The following SPG11 variants were observed in gnomAD, a reference collection of about 807,000 sequenced individuals.
SPG11 encodes the protein SPG11 vesicle trafficking associated, spatacsin, also known as spatacsin.
In SPG11, 222 loss-of-function variants were observed where a neutral mutation model predicts 274.0. That is an observed-to-expected ratio of 0.81 (90% CI 0.73 to 0.91). The LOEUF (loss-of-function observed/expected upper bound fraction) is 0.91. Among genes scored for constraint, SPG11 ranks in the 40% least tolerant of loss-of-function variants. SPG11 has a pLI of 0.00. For missense variants in SPG11, 3,114 were observed against 2,872.7 expected, an observed-to-expected ratio of 1.08 and a Z score of -1.92; for synonymous variants, 1,144 against 1,039.7, an observed-to-expected ratio of 1.10 and a Z score of -1.93.
intron 7 of SPG11, among the ~76,000 whole-genome samples, chr15:44,642,476 A>T (rs1329108828): frequency 2.0e-5 from 3 of 151,574 alleles, no homozygotes; most frequent in African/African-American, 7.2e-5. Context: ...GTTCCATTTT[A>T]TGCAAAATTC....
chr15:44,577,764 T>C (rs1206026165), intron 30 of SPG11, among the ~76,000 whole-genome samples: 2 of 152,106 alleles, frequency 1.3e-5, no homozygotes, highest in Non-Finnish European at 2.9e-5. Flanking sequence ...GAATTATCAT[T>C]ATCCCCCCTC....
In SPG11 at chr15:44,564,983, C is replaced by T. The variant is rs545720197; in HGVS notation, c.7000-285G>A. Among the ~76,000 whole-genome samples, 14 of 152,254 alleles carry T rather than the reference C, an allele frequency of 9.2e-5. No individual in the cohort carries two copies. In the East Asian group the frequency reaches 1.2e-3, roughly 13 times the overall value. ...GAAATTCCTGGGCTCAAGATCCTCCCGCCTCAGCCTCCTGCATATCTGGGA... is the reference window on the plus strand; with the variant it reads ...GAAATTCCTGGGCTCAAGATCCTCCTGCCTCAGCCTCCTGCATATCTGGGA... On this transcript the variant is annotated intron_variant, in intron 38 of 39. Coordinates refer to ENST00000261866, the MANE Select transcript of SPG11 (RefSeq NM_025137.4).
chr15:44,636,402 A>C (rs923818280), intron 7 of SPG11, among the ~76,000 whole-genome samples: 3 of 152,002 alleles, frequency 2.0e-5, no homozygotes, highest in African/African-American at 7.2e-5. Flanking sequence ...AGGATTATAA[A>C]GTTTGCAACT....
chr15:44,651,855 C>G lies in SPG11; in HGVS notation c.1092G>C (p.Gln364His). The G allele has an allele frequency of 6.2e-7, 1 of 1,613,862 alleles. No individual in the cohort carries two copies. The highest frequency in any genetic ancestry group is 1.6e-4 in the Middle Eastern group (1 of 6,062). Reference sequence around the variant, plus strand: ...CAGGTGACTCCAAATGCAAAATATCCTGGAACCATGGAGCACAACAGGAAA... The same window carrying G: ...CAGGTGACTCCAAATGCAAAATATCGTGGAACCATGGAGCACAACAGGAAA... ...LEVSCCAPWF[Q>H]DILHLESPES... The change falls in exon 6 of 40, where the codon CAG (glutamine) becomes CAC (histidine). Residue 364 changes from glutamine (Q) to histidine (H), a missense_variant. Gln to His is a conservative substitution (Grantham distance 24). Transcript: ENST00000261866.
rs1188260876 is a variant in SPG11, at chr15:44,598,297, T to C, written c.3969A>G (p.Thr1323=). ...TTTCCTGTTGCTGAATGCTGTTCCA[T>C]GTACCTTCTTCTAAGAGAACAAGCA... ...EELLVLLEEG[T]WNSIQQQEIK... is the part of the protein sequence containing the mutation. The change falls in exon 23 of 40, where the codon ACA becomes ACG. Residue 1323 remains threonine, a synonymous_variant. Transcript: ENST00000261866. 1.9e-6 allele frequency: 3 copies of C among 1,614,040 alleles called. No homozygotes were observed. Among genetic ancestry groups the C allele is most frequent in the South Asian group, 2.2e-5 (2 of 91,080 alleles).
At chr15:44,619,615 T>C (rs557791051) in intron 15 of SPG11, among the ~76,000 whole-genome samples, 1 of 152,312 alleles carries the variant, frequency 6.6e-6, no homozygotes, top group Admixed American at 6.5e-5. Flanking sequence ...ATAGCCCTAC[T>C]GAAAACTTAA....
intron 38 of SPG11, 133 bp from the exon 39 acceptor site, chr15:44,564,831 C>A: frequency 1.0e-6 from 1 of 1,003,360 alleles, no homozygotes; most frequent in Non-Finnish European, 1.5e-6. Context: ...TGTTAAAAGG[C>A]TCTATGTATC....
In SPG11 at chr15:44,649,007, A is replaced by G; in HGVS notation, c.1461T>C (p.Asn487=). The change falls in exon 7 of 40, where the codon AAT becomes AAC. Residue 487 remains asparagine (N), a synonymous_variant. Transcript: ENST00000261866. ...DQQLCFVLTE[N]GLSLILFGLT... ...AACCAAACAAAATCAGAGAGAGTCC[A>G]TTCTCTATAGGAAAAATAAAAGTTA... The G allele has an allele frequency of 6.2e-7, 1 of 1,612,246 alleles. No individual in the cohort carries two copies. Among genetic ancestry groups the G allele is most frequent in the Non-Finnish European group, 8.5e-7 (1 of 1,178,296 alleles).
intron 20 of SPG11, among the ~76,000 whole-genome samples, chr15:44,604,951 A>G (rs1417641814): frequency 5.9e-5 from 9 of 151,386 alleles, no homozygotes; most frequent in Admixed American, 1.3e-4. Flanking sequence ...AAAAAAAAAA[A>G]AAAAAAAAAG....
intron 19 of SPG11, among the ~76,000 whole-genome samples, chr15:44,606,675 T>TG (rs527375087): frequency 1.5e-3 from 233 of 152,140 alleles, no homozygotes; most frequent in African/African-American, 5.4e-3. Context: ...AAACGGATCG[T>TG]GGGAAAAATA....
intron 30 of SPG11, among the ~76,000 whole-genome samples, chr15:44,581,665 G>A (rs1005446408): frequency 4.6e-5 from 7 of 151,328 alleles, no homozygotes; most frequent in South Asian, 2.1e-4. Flanking sequence ...AGGCCAAGGC[G>A]GGTTTATTAA....
intron 20 of SPG11, 66 bp from the exon 21 acceptor site, chr15:44,600,698 T>G: frequency 6.6e-7 from 1 of 1,518,962 alleles, no homozygotes; most frequent in Non-Finnish European, 9.1e-7. Flanking sequence ...GATTTGCACA[T>G]GGAACTCTCT....
chr15:44,565,887 C>G lies in SPG11; in HGVS notation c.6966G>C (p.Met2322Ile). 1 of 1,614,078 alleles carries G rather than the reference C, an allele frequency of 6.2e-7. No individual in the cohort carries two copies. Among genetic ancestry groups the G allele is most frequent in the Non-Finnish European group, 8.5e-7 (1 of 1,180,028 alleles). The stretch of plus-strand genomic sequence containing the variant: ...ACCGAGGTAGGGCCAGAATACAGTC[C>G]ATCAGCTTGTGGCGGCCCAAGTTGA... ...MLINLGRHKL[M>I]DCILALPRFY... Residue 2322 changes from methionine to isoleucine, a missense_variant, in exon 38 of 40, where the codon ATG becomes ATC. Physicochemically the swap from Met to Ile is conservative, Grantham distance 10. Transcript: ENST00000261866.
At chr15:44,601,814 C>T (rs1272636015) in intron 20 of SPG11, among the ~76,000 whole-genome samples, 2 of 152,108 alleles carry the variant, frequency 1.3e-5, no homozygotes, top group Non-Finnish European at 2.9e-5. Context: ...CCACCTTGAC[C>T]TCCCAAAGTG....
intron 16 of SPG11, 74 bp from the exon 17 acceptor site, chr15:44,613,610 CGAT>C (rs2083517825): frequency 5.6e-6 from 5 of 898,008 alleles, no homozygotes; most frequent in Non-Finnish European, 7.2e-6. Context: ...TTTGCTCAGG[CGAT>C]GATTAGCATT....
At position 44,595,248 on chromosome 15, in the gene SPG11, A is replaced by T; in HGVS notation, c.4635+11T>A. ...TTAAGCTCTGGAAAGAAGTGAAGCA[A>T]CTATCACTACCTTAAAGAAAAGCTG... On this transcript the variant is annotated intron_variant, in intron 26 of 39. Coordinates refer to ENST00000261866, the MANE Select transcript of SPG11 (RefSeq NM_025137.4). 6.2e-7 allele frequency: 1 copy of T among 1,612,454 alleles called. No individual in the cohort carries two copies. The highest frequency in any genetic ancestry group is 1.3e-5 in the African/African-American group (1 of 75,028).
chr15:44,585,874 A>C, intron 28 of SPG11, 24 bp from the exon 29 acceptor site: 1 of 1,605,886 alleles, frequency 6.2e-7, no homozygotes, highest in Non-Finnish European at 8.5e-7. Flanking sequence ...AAAAGGATAT[A>C]AACATTTAGT....
At chr15:44,658,996 C>T in intron 3 of SPG11, 83 bp downstream of exon 3, 2 of 1,380,394 alleles carry the variant, frequency 1.4e-6, no homozygotes, top group Admixed American at 3.4e-5. Context: ...TCCCAGCTCC[C>T]AAAACTAAAG....
At chr15:44,640,379 C>A in intron 7 of SPG11, among the ~76,000 whole-genome samples, 1 of 152,136 alleles carries the variant, frequency 6.6e-6, no homozygotes, top group Middle Eastern at 3.4e-3. Context: ...CCCCGCCCCC[C>A]AAAAGACAAG....
Sources: allele counts gnomAD v4.1 joint callset (sites outside exome capture counted in the v4.1 genomes callset), GRCh38; gene constraint gnomAD v4.1.1; transcripts MANE v1.5; gene names NCBI Gene and HGNC (gene_info 2026-07-23, HGNC 2026-07-21).